The following GLIS3 variants were observed in gnomAD, a reference collection of about 807,000 sequenced individuals.
GLIS3 encodes zinc finger protein GLIS3.
A neutral mutation model predicts 78.6 loss-of-function variants in GLIS3; 53 were observed. The observed-to-expected ratio is 0.67, with a 90% CI of 0.54 to 0.85. The LOEUF (loss-of-function observed/expected upper bound fraction) is 0.85. Ranked by LOEUF, GLIS3 falls within the 40% of genes least tolerant of loss-of-function variation. GLIS3 has a pLI of 0.00. For synonymous variants in GLIS3, 684 were observed against 509.9 expected (o/e 1.34, Z -4.60); for missense variants, 1,703 against 1,231.1 (o/e 1.38, Z -5.74).
intron 2 of GLIS3, among the ~76,000 whole-genome samples, chr9:4,325,214 T>C (rs140285692): frequency 1.3e-5 from 2 of 152,300 alleles, no homozygotes; most frequent in East Asian, 1.9e-4. Context: ...TACAATCACA[T>C]TTTTTCTCCT....
intron 4 of GLIS3, among the ~76,000 whole-genome samples, chr9:4,065,731 G>A (rs1189524106): frequency 6.6e-6 from 1 of 152,076 alleles, no homozygotes; most frequent in Non-Finnish European, 1.5e-5. Context: ...CAAGTGAAGA[G>A]GTCTAAGATG....
At chr9:4,360,488 G>A in the GLIS3 span, among the ~76,000 whole-genome samples, 1 of 152,104 alleles carries the variant, frequency 6.6e-6, no homozygotes, top group African/African-American at 2.4e-5. Flanking sequence ...TTCAATAACT[G>A]CTAACATACC....
the GLIS3 span, among the ~76,000 whole-genome samples, chr9:4,402,951 T>C: frequency 3.0e-4 from 46 of 152,140 alleles, no homozygotes; most frequent in African/African-American, 9.9e-4. Context: ...GATATCAACA[T>C]TCAAGTATGA....
At chr9:4,329,628 T>C (rs1191077470) in intron 2 of GLIS3, among the ~76,000 whole-genome samples, 1 of 152,036 alleles carries the variant, frequency 6.6e-6, no homozygotes, top group Non-Finnish European at 1.5e-5. Flanking sequence ...CAGGGTTCTA[T>C]AGCAAAGGAT....
intron 7 of GLIS3, among the ~76,000 whole-genome samples, chr9:3,885,090 T>C (rs1413004796): frequency 2.0e-5 from 3 of 152,192 alleles, no homozygotes; most frequent in African/African-American, 7.2e-5. Context: ...CTCTGAAAAT[T>C]ACTTCAGGCA....
At chr9:4,205,005 C>G (rs1411473747) in intron 2 of GLIS3, among the ~76,000 whole-genome samples, 1 of 150,120 alleles carries the variant, frequency 6.7e-6, no homozygotes, top group Non-Finnish European at 1.5e-5. Flanking sequence ...TGATGAAACC[C>G]CGTCTCTATT....
chr9:3,951,811 AGAG>A (rs955750275), intron 4 of GLIS3, among the ~76,000 whole-genome samples: 30 of 147,434 alleles, frequency 2.0e-4, no homozygotes, highest in Non-Finnish European at 9.0e-5. Flanking sequence ...AACAGGGAAA[AGAG>A]GAGAGAGAAA....
At chr9:4,277,412 G>A (rs912803374) in intron 2 of GLIS3, among the ~76,000 whole-genome samples, 3 of 152,172 alleles carry the variant, frequency 2.0e-5, no homozygotes, top group Non-Finnish European at 4.4e-5. Context: ...GAAACTTGAT[G>A]TATTATTTAA....
chr9:4,035,256 T>C (rs193032397), intron 4 of GLIS3, among the ~76,000 whole-genome samples: 2 of 152,248 alleles, frequency 1.3e-5, no homozygotes, highest in African/African-American at 2.4e-5. Flanking sequence ...AAGACTTGGA[T>C]TACTTGTTAG....
the GLIS3 span, among the ~76,000 whole-genome samples, chr9:4,378,737 T>A: frequency 6.6e-6 from 1 of 152,200 alleles, no homozygotes; most frequent in South Asian, 2.1e-4. Flanking sequence ...ACATATTATT[T>A]CTTGGTTCTT....
chr9:4,400,599 A>T, the GLIS3 span, among the ~76,000 whole-genome samples: 1 of 152,198 alleles, frequency 6.6e-6, no homozygotes, highest in Non-Finnish European at 1.5e-5. Flanking sequence ...TTCGGTCTTG[A>T]TCTTCATTGT....
chr9:4,345,289 C>T (rs755144717), intron 2 of GLIS3, among the ~76,000 whole-genome samples: 2 of 152,202 alleles, frequency 1.3e-5, no homozygotes, highest in Non-Finnish European at 2.9e-5. Context: ...CATTTTTGCT[C>T]AAATGCCACC....
intron 4 of GLIS3, among the ~76,000 whole-genome samples, chr9:3,993,806 G>C (rs149879551): frequency 6.6e-6 from 1 of 152,146 alleles, no homozygotes; most frequent in African/African-American, 2.4e-5. Context: ...TTGGCCTACT[G>C]TTGTATTACT....
the GLIS3 span, among the ~76,000 whole-genome samples, chr9:4,420,200 G>A: frequency 2.0e-5 from 3 of 152,326 alleles, no homozygotes; most frequent in East Asian, 5.8e-4. Context: ...AAGAATCACT[G>A]AAGAGGGGGC....
intron 4 of GLIS3, among the ~76,000 whole-genome samples, chr9:3,997,210 G>C (rs1820810716): frequency 6.6e-6 from 1 of 152,084 alleles, no homozygotes; most frequent in South Asian, 2.1e-4. Flanking sequence ...GCTGGGCGTG[G>C]TGGTGCATGC....
intron 4 of GLIS3, among the ~76,000 whole-genome samples, chr9:4,006,970 T>C (rs751164492): frequency 6.6e-6 from 1 of 152,188 alleles, no homozygotes; most frequent in African/African-American, 2.4e-5. Context: ...CACAATGTCA[T>C]TGAGGTATTT....
chr9:4,329,485 G>A (rs1817651754), intron 2 of GLIS3, among the ~76,000 whole-genome samples: 1 of 152,072 alleles, frequency 6.6e-6, no homozygotes, highest in Non-Finnish European at 1.5e-5. Context: ...GGTGGTATCT[G>A]GGGGCCTATA....
intron 2 of GLIS3, among the ~76,000 whole-genome samples, chr9:4,266,286 A>C (rs1185895874): frequency 1.3e-5 from 2 of 152,060 alleles, no homozygotes; most frequent in Non-Finnish European, 2.9e-5. Context: ...AGAAGAAAAA[A>C]AAAAATCTTT....
At chr9:4,084,660 C>T (rs1828867239) in intron 4 of GLIS3, among the ~76,000 whole-genome samples, 1 of 152,146 alleles carries the variant, frequency 6.6e-6, no homozygotes, top group Non-Finnish European at 1.5e-5. Context: ...CCACACACTG[C>T]TCTTTGTTAT....
Sources: allele counts gnomAD v4.1 joint callset (sites outside exome capture counted in the v4.1 genomes callset), GRCh38; gene constraint gnomAD v4.1.1; transcripts MANE v1.5; gene names NCBI Gene and HGNC (gene_info 2026-07-23, HGNC 2026-07-21).